The following PACRG variants were observed in gnomAD, a reference collection of about 807,000 sequenced individuals.
The protein encoded by PACRG is parkin coregulated.
Under a neutral mutation model 29.7 loss-of-function variants are expected in PACRG, and 29 were observed. The observed-to-expected ratio is 0.98, with a 90% CI of 0.73 to 1.33. The LOEUF (loss-of-function observed/expected upper bound fraction) is 1.33. Among genes scored for constraint, PACRG ranks in the 40% most tolerant of loss-of-function variants. PACRG has a pLI of 0.00. For synonymous variants in PACRG, 116 were observed against 118.7 expected (o/e 0.98, Z 0.15); for missense variants, 279 against 316.2 (o/e 0.88, Z 0.89).
intron 2 of PACRG, among the ~76,000 whole-genome samples, chr6:162,950,026 G>T (rs9347712): frequency 0.88 from 133,471 of 152,234 alleles, 59,065 homozygotes; most frequent in Middle Eastern, 0.97. Flanking sequence ...TTTTGCAATG[G>T]TACATATTTT....
chr6:163,149,575 C>T (rs1343081668), intron 4 of PACRG, among the ~76,000 whole-genome samples: 1 of 152,118 alleles, frequency 6.6e-6, no homozygotes, highest in Non-Finnish European at 1.5e-5. Flanking sequence ...GCTTTCCCTT[C>T]CGACTCCCCG....
chr6:162,889,769 T>TA (rs1327056115), intron 2 of PACRG, among the ~76,000 whole-genome samples: 2 of 152,256 alleles, frequency 1.3e-5, no homozygotes, highest in Non-Finnish European at 2.9e-5. Flanking sequence ...CCATTTCAGT[T>TA]ACTTCCAAGA....
In PACRG at chr6:162,888,646, G is replaced by A. The variant is rs150091164; in HGVS notation, c.291+74365G>A. ...TACAGGAAAGGTGGAGAGAAAAGGC[G>A]ATCAGAGCAGAGTCCCTTTCTGAAG... On this transcript the variant is annotated intron_variant, in intron 2 of 4. Coordinates refer to ENST00000366888, the MANE Select transcript of PACRG (RefSeq NM_001080379.2). 9.9e-4 allele frequency among the ~76,000 whole-genome samples: 150 copies of A among 152,206 alleles called. No individual in the cohort carries two copies. The Middle Eastern group carries it at 0.01, about 10-fold the overall frequency.
At chr6:163,165,558 CAG>C (rs1778760800) in intron 4 of PACRG, 2 of 156,046 alleles carry the variant, frequency 1.3e-5, no homozygotes, top group South Asian at 3.9e-4. Context: ...ACCCCTGTCT[CAG>C]GGGGAAAAAG....
At chr6:163,160,770 A>C (rs958524122) in intron 4 of PACRG, among the ~76,000 whole-genome samples, 2 of 152,186 alleles carry the variant, frequency 1.3e-5, no homozygotes, top group African/African-American at 2.4e-5. Flanking sequence ...GAGAAGAATA[A>C]TATGTAGTCA....
At chr6:162,977,564 C>A (rs1802063769) in intron 2 of PACRG, among the ~76,000 whole-genome samples, 2 of 152,060 alleles carry the variant, frequency 1.3e-5, no homozygotes, top group Admixed American at 1.3e-4. Flanking sequence ...CCTTCTCCGA[C>A]TGACCAAACC....
intron 2 of PACRG, among the ~76,000 whole-genome samples, chr6:162,835,146 A>G (rs1020641417): frequency 6.6e-6 from 1 of 152,014 alleles, no homozygotes; most frequent in African/African-American, 2.4e-5. Context: ...TTTTTTCATT[A>G]TCTTAGTCTT....
intron 2 of PACRG, among the ~76,000 whole-genome samples, chr6:163,031,343 T>C (rs1286023182): frequency 6.6e-6 from 1 of 152,226 alleles, no homozygotes; most frequent in East Asian, 1.9e-4. Flanking sequence ...TTCCAGTACA[T>C]GCCCAGAATT....
chr6:163,076,081 C>A (rs1812513578), intron 3 of PACRG, among the ~76,000 whole-genome samples: 1 of 152,206 alleles, frequency 6.6e-6, no homozygotes, highest in Non-Finnish European at 1.5e-5. Context: ...TGCAATCCTA[C>A]AAGGGCATTA....
Position 162,749,111 on chromosome 6 carries a change from T to G in PACRG, c.156+20720T>G, listed in dbSNP as rs186624515. On this transcript the variant is annotated intron_variant, in intron 1 of 4. Coordinates refer to ENST00000366888, the MANE Select transcript of PACRG (RefSeq NM_001080379.2). ...CATTTGTATGTAATACTTTATTCCT[T>G]TTTATTGCTGGAAAGGATTCCATTT... is the stretch of plus-strand genomic sequence containing the variant. Among the ~76,000 whole-genome samples, 283 of 152,338 alleles carry G rather than the reference T, an allele frequency of 1.9e-3. 1 individual carries two copies. The highest frequency in any genetic ancestry group is 3.3e-3 in the Non-Finnish European group (224 of 68,030).
chr6:163,190,584 A>G (rs891617792), intron 4 of PACRG: 1 of 152,672 alleles, frequency 6.5e-6, no homozygotes, highest in Non-Finnish European at 1.5e-5. Context: ...TTTCTTAGAG[A>G]AGGTAAAAAT....
At chr6:163,138,444 A>G (rs1817025821) in intron 4 of PACRG, among the ~76,000 whole-genome samples, 1 of 152,184 alleles carries the variant, frequency 6.6e-6, no homozygotes, top group African/African-American at 2.4e-5. Context: ...ACCAGGGACC[A>G]GTTTCATGGA....
intron 4 of PACRG, among the ~76,000 whole-genome samples, chr6:163,129,185 G>A (rs1816633483): frequency 6.6e-6 from 1 of 152,204 alleles, no homozygotes; most frequent in Non-Finnish European, 1.5e-5. Context: ...GAATGGGGGG[G>A]AAGTTGGGGA....
intron 2 of PACRG, among the ~76,000 whole-genome samples, chr6:163,033,608 C>T (rs1807873900): frequency 6.6e-6 from 1 of 152,088 alleles, no homozygotes; most frequent in South Asian, 2.1e-4. Context: ...TATTATTAAA[C>T]CAATTAATTA....
chr6:163,249,982 G>A (rs956291304), intron 4 of PACRG, among the ~76,000 whole-genome samples: 32 of 152,202 alleles, frequency 2.1e-4, no homozygotes, highest in African/African-American at 7.0e-4. Flanking sequence ...GGTTCCCACC[G>A]CAGGGAATGT....
At chr6:163,259,181 C>T (rs1375499460) in intron 4 of PACRG, among the ~76,000 whole-genome samples, 1 of 152,192 alleles carries the variant, frequency 6.6e-6, no homozygotes, top group East Asian at 1.9e-4. Context: ...CTGATCCCAA[C>T]CCCGTGCTCC....
intron 2 of PACRG, among the ~76,000 whole-genome samples, chr6:162,914,037 G>C (rs898513420): frequency 2.0e-5 from 3 of 152,008 alleles, no homozygotes; most frequent in Non-Finnish European, 4.4e-5. Context: ...ATTTTCTTAA[G>C]GCTCTGCAAA....
chr6:162,727,338 A>C, upstream of PACRG: 6 of 378,482 alleles, frequency 1.6e-5, no homozygotes, highest in Non-Finnish European at 2.8e-5. Context: ...CGGCGGGGAG[A>C]AGGCTTCGGG....
chr6:163,007,502 C>G lies in PACRG; in HGVS notation c.292-54648C>G, dbSNP rs116278445. Reference sequence around the variant, plus strand: ...GTATGAAATGTCTTTATTTTGTGCTCCCTTTTGAAAGTGAGACACCCTACT... The same window carrying G: ...GTATGAAATGTCTTTATTTTGTGCTGCCTTTTGAAAGTGAGACACCCTACT... On this transcript the variant is annotated intron_variant, in intron 2 of 4. Transcript: ENST00000366888. 6.2e-3 allele frequency among the ~76,000 whole-genome samples: 946 copies of G among 152,112 alleles called. 17 individuals are homozygous for G. Among genetic ancestry groups the G allele is most frequent in the African/African-American group, 0.022 (898 of 41,476 alleles).
Sources: allele counts gnomAD v4.1 joint callset (sites outside exome capture counted in the v4.1 genomes callset), GRCh38; gene constraint gnomAD v4.1.1; transcripts MANE v1.5; gene names NCBI Gene and HGNC (gene_info 2026-07-23, HGNC 2026-07-21).